The following UVRAG variants were observed in gnomAD, a reference collection of about 807,000 sequenced individuals.
The protein encoded by UVRAG is UV radiation resistance-associated gene protein.
In UVRAG, 19 loss-of-function variants were observed where a neutral mutation model predicts 78.0. The observed-to-expected ratio is 0.24, with a 90% confidence interval of 0.17 to 0.36. UVRAG has a LOEUF of 0.36. Among genes scored for constraint, UVRAG ranks in the 10% least tolerant of loss-of-function variants. The pLI is 1.00. For synonymous variants in UVRAG, 323 were observed against 324.6 expected (o/e 1.00, Z 0.05); for missense variants, 740 against 853.8 (o/e 0.87, Z 1.66).
chr11:75,822,856 T>G (rs1017372452), intron 1 of UVRAG, among the ~76,000 whole-genome samples: 1 of 151,944 alleles, frequency 6.6e-6, no homozygotes, highest in African/African-American at 2.4e-5. Flanking sequence ...TATGGAGGCT[T>G]CATCATGTAG....
chr11:76,060,855 T>C (rs1019791338), intron 12 of UVRAG, among the ~76,000 whole-genome samples: 6 of 152,220 alleles, frequency 3.9e-5, no homozygotes, highest in African/African-American at 1.4e-4. Flanking sequence ...CCCTCCTCCG[T>C]GGGGATCCTG....
intron 7 of UVRAG, among the ~76,000 whole-genome samples, chr11:75,976,048 C>T (rs1949231513): frequency 6.6e-6 from 1 of 152,116 alleles, no homozygotes; most frequent in African/African-American, 2.4e-5. Context: ...CCCATCAATA[C>T]CTAATTTATT....
At chr11:75,899,144 G>A (rs1947425023) in intron 5 of UVRAG, among the ~76,000 whole-genome samples, 2 of 152,104 alleles carry the variant, frequency 1.3e-5, no homozygotes, top group East Asian at 1.9e-4. Flanking sequence ...AGAAAGACTG[G>A]GAAAATCCTC....
chr11:75,901,059 G>C (rs114303632), intron 5 of UVRAG, among the ~76,000 whole-genome samples: 2,815 of 152,212 alleles, frequency 0.018, 80 homozygotes, highest in African/African-American at 0.064. Context: ...GCTTGATGAT[G>C]CTTAACAGAG....
intron 7 of UVRAG, among the ~76,000 whole-genome samples, chr11:75,971,943 G>A (rs1426989411): frequency 2.0e-5 from 3 of 152,096 alleles, no homozygotes; most frequent in Non-Finnish European, 2.9e-5. Context: ...TGCCAGCCTT[G>A]GCCTCCCAAT....
chr11:76,100,513 A>G (rs937319188), intron 13 of UVRAG, among the ~76,000 whole-genome samples: 1 of 152,100 alleles, frequency 6.6e-6, no homozygotes, highest in Non-Finnish European at 1.5e-5. Flanking sequence ...TTCTCTCCTA[A>G]TATCTTCAGG....
chr11:75,851,842 A>G (rs1485420244), intron 1 of UVRAG, 41 bp from the exon 2 acceptor site: 1 of 1,532,450 alleles, frequency 6.5e-7, no homozygotes, highest in South Asian at 1.2e-5. Context: ...TTATAGGAGG[A>G]AAAATCTGAA....
chr11:75,874,949 G>A (rs1262055810), intron 3 of UVRAG, among the ~76,000 whole-genome samples: 1 of 152,196 alleles, frequency 6.6e-6, no homozygotes, highest in East Asian at 1.9e-4. Flanking sequence ...CAGTGGTTCT[G>A]TTTGGGTGAC....
chr11:75,840,969 G>A (rs902409355), intron 1 of UVRAG, among the ~76,000 whole-genome samples: 1 of 152,110 alleles, frequency 6.6e-6, no homozygotes, highest in African/African-American at 2.4e-5. Flanking sequence ...TAAATTCTTA[G>A]TTCAGTAGTT....
chr11:76,013,081 C>T (rs1950084095), intron 11 of UVRAG: 1 of 152,184 alleles, frequency 6.6e-6, no homozygotes, highest in South Asian at 2.1e-4. Flanking sequence ...TCAGCTGCCT[C>T]AGTGATTGGG....
At chr11:76,007,074 A>G (rs956139291) in intron 9 of UVRAG, among the ~76,000 whole-genome samples, 3 of 152,028 alleles carry the variant, frequency 2.0e-5, no homozygotes, top group Admixed American at 2.0e-4. Flanking sequence ...GTGCAGTGGC[A>G]TGATCAGGGC....
chr11:75,988,620 A>G (rs540412346), intron 8 of UVRAG, among the ~76,000 whole-genome samples: 1 of 152,332 alleles, frequency 6.6e-6, no homozygotes, highest in African/African-American at 2.4e-5. Flanking sequence ...ATTAATAACT[A>G]GGTGTGGGAT....
At chr11:76,092,418 C>A (rs1263558411) in intron 13 of UVRAG, among the ~76,000 whole-genome samples, 2 of 152,220 alleles carry the variant, frequency 1.3e-5, no homozygotes, top group South Asian at 2.1e-4. Context: ...GCCACACTGT[C>A]TTCCACAATG....
intron 5 of UVRAG, among the ~76,000 whole-genome samples, chr11:75,891,866 A>G (rs1343294938): frequency 6.6e-6 from 1 of 152,070 alleles, no homozygotes; most frequent in African/African-American, 2.4e-5. Context: ...GTGAACCCTG[A>G]TGGCGCCACT....
At chr11:76,112,076 G>C (rs1952080284) in intron 13 of UVRAG, among the ~76,000 whole-genome samples, 1 of 152,038 alleles carries the variant, frequency 6.6e-6, no homozygotes, top group Admixed American at 6.6e-5. Flanking sequence ...TGTACTAAGT[G>C]CTTGGCCCAG....
Position 76,141,176 on chromosome 11 carries a change from A to G in UVRAG, c.1863A>G (p.Ser621=). The G allele has an allele frequency of 1.2e-6, 2 of 1,614,172 alleles. No homozygotes were observed. Among genetic ancestry groups the G allele is most frequent in the South Asian group, 1.1e-5 (1 of 91,080 alleles). ...TTCCAGGCGAGTTCCACCCAGTCTC[A>G]GAAGCTGAGCTCTGCTGTACTGTGG... ...VQLPGEFHPV[S]EAELCCTVEQ... Residue 621 remains serine, a synonymous_variant, in exon 15 of 15, where the codon TCA becomes TCG. Transcript: ENST00000356136.
intron 9 of UVRAG, among the ~76,000 whole-genome samples, chr11:76,006,685 AAG>A (rs1220369241): frequency 1.3e-5 from 2 of 149,280 alleles, no homozygotes; most frequent in African/African-American, 2.5e-5. Context: ...AAAAAAAAAA[AAG>A]AGAGAGAGAA....
intron 6 of UVRAG, among the ~76,000 whole-genome samples, chr11:75,945,063 A>G (rs999215074): frequency 3.9e-5 from 6 of 152,204 alleles, no homozygotes; most frequent in African/African-American, 1.4e-4. Flanking sequence ...TTCTCAAGGC[A>G]GTTTCCCAGG....
At chr11:75,980,145 C>G (rs1053753592) in intron 7 of UVRAG, 10 of 153,310 alleles carry the variant, frequency 6.5e-5, no homozygotes, top group African/African-American at 2.6e-4. Flanking sequence ...TTTAATTTCT[C>G]TCTCTCTCTC....
Sources: gnomAD v4.1 joint callset for allele counts (sites outside exome capture counted in the v4.1 genomes callset) on GRCh38, gnomAD v4.1.1 for gene constraint, MANE v1.5 for transcripts, NCBI Gene and HGNC (gene_info 2026-07-23, HGNC 2026-07-21) for gene names.